ADAM23: variants seen among roughly 807,000 people sequenced by gnomAD.
ADAM23 encodes the protein ADAM metallopeptidase domain 23.
In ADAM23, 33 loss-of-function variants were observed where a neutral mutation model predicts 120.1. The ratio of observed to expected loss-of-function variants is 0.27; its 90% CI spans 0.21 to 0.37. ADAM23 has a LOEUF of 0.37. Ranked by LOEUF, ADAM23 falls within the 10% of genes least tolerant of loss-of-function variation. The probability of loss-of-function intolerance (pLI) is 1.00; values close to 1 mark genes in which losing one functional copy is unlikely to be tolerated. For synonymous variants in ADAM23, 367 were observed against 375.2 expected (o/e 0.98, Z 0.25); for missense variants, 862 against 1,058.2 (o/e 0.81, Z 2.57).
In ADAM23 at chr2:206,561,179, C is replaced by G. The variant is rs1317541420; in HGVS notation, c.1221C>G (p.Val407=). Residue 407 remains valine, a synonymous_variant, in exon 12 of 26, where the codon GTC becomes GTG. Transcript: ENST00000264377. The stretch of plus-strand genomic sequence containing the variant: ...GCAGTCTGAGTTACTTTGGAGGTGT[C>G]TGTTCTCGCACAAGAGGAGTTGGTG... ...KRSSLSYFGG[V]CSRTRGVGVN... 1.2e-6 allele frequency: 2 copies of G among 1,613,970 alleles called. No homozygotes were observed. The highest frequency in any genetic ancestry group is 1.7e-6 in the Non-Finnish European group (2 of 1,179,930).
At chr2:206,508,249 TTGA>T (rs1251466209) in intron 3 of ADAM23, among the ~76,000 whole-genome samples, 1 of 152,170 alleles carries the variant, frequency 6.6e-6, no homozygotes, top group Non-Finnish European at 1.5e-5. Context: ...CAGGATGGTC[TTGA>T]TCTGACCTCG....
intron 2 of ADAM23, among the ~76,000 whole-genome samples, chr2:206,459,332 G>A (rs1695365021): frequency 6.6e-6 from 1 of 152,126 alleles, no homozygotes; most frequent in Admixed American, 6.5e-5. Context: ...TTACCCTTCT[G>A]ATTAACTATA....
At chr2:206,466,925 T>A (rs1695552265) in intron 2 of ADAM23, among the ~76,000 whole-genome samples, 1 of 152,156 alleles carries the variant, frequency 6.6e-6, no homozygotes, top group Non-Finnish European at 1.5e-5. Flanking sequence ...GTGTCTTACA[T>A]GGCAGGAGTA....
chr2:206,567,145 A>G (rs1697902359), intron 14 of ADAM23, 78 bp from the exon 15 acceptor site: 1 of 1,113,774 alleles, frequency 9.0e-7, no homozygotes, highest in African/African-American at 1.6e-5. Context: ...ATTTTGTTCT[A>G]ATTTAGGGGT....
intron 3 of ADAM23, among the ~76,000 whole-genome samples, chr2:206,499,622 TA>T (rs1163000126): frequency 6.6e-6 from 1 of 151,976 alleles, no homozygotes; most frequent in African/African-American, 2.4e-5. Flanking sequence ...ACATGTACCC[TA>T]AAACTTAAAG....
At chr2:206,539,824 C>G (rs974118060) in intron 4 of ADAM23, among the ~76,000 whole-genome samples, 2 of 152,130 alleles carry the variant, frequency 1.3e-5, no homozygotes, top group African/African-American at 4.8e-5. Context: ...CCATAGTACT[C>G]TTTAAAAACT....
intron 2 of ADAM23, among the ~76,000 whole-genome samples, chr2:206,480,783 A>G (rs1167437875): frequency 6.6e-6 from 1 of 152,164 alleles, no homozygotes; most frequent in East Asian, 1.9e-4. Flanking sequence ...TATTCTGCTG[A>G]TACATCATTT....
At chr2:206,444,216 C>T in intron 1 of ADAM23, 136 bp downstream of exon 1, 1 of 631,330 alleles carries the variant, frequency 1.6e-6, no homozygotes, top group Non-Finnish European at 2.3e-6. Context: ...GTCTTTCCAC[C>T]CTTCTCGTTC....
At chr2:206,519,495 G>A (rs935760696) in intron 3 of ADAM23, among the ~76,000 whole-genome samples, 1 of 152,024 alleles carries the variant, frequency 6.6e-6, no homozygotes, top group Non-Finnish European at 1.5e-5. Flanking sequence ...TGCTCAGAAG[G>A]TGGGCTTATT....
intron 4 of ADAM23, among the ~76,000 whole-genome samples, chr2:206,540,716 G>C (rs1697274058): frequency 6.6e-6 from 1 of 151,916 alleles, no homozygotes; most frequent in African/African-American, 2.4e-5. Context: ...ATCCCAGAAA[G>C]GCAGAAATAA....
At chr2:206,481,677 A>T (rs1040003314) in intron 3 of ADAM23, among the ~76,000 whole-genome samples, 1 of 152,224 alleles carries the variant, frequency 6.6e-6, no homozygotes, top group African/African-American at 2.4e-5. Flanking sequence ...ACTCTTTATA[A>T]TGCAATTCGC....
chr2:206,542,215 T>C (rs779308054), intron 5 of ADAM23, 81 bp downstream of exon 5: 7 of 1,390,284 alleles, frequency 5.0e-6, no homozygotes, highest in African/African-American at 1.4e-5. Flanking sequence ...TTAGTGACTC[T>C]TCCGTGCCAG....
chr2:206,561,467 TAGATA>T (rs1697764149), intron 12 of ADAM23, among the ~76,000 whole-genome samples: 1 of 152,240 alleles, frequency 6.6e-6, no homozygotes, highest in African/African-American at 2.4e-5. Context: ...TAGGCCTCTA[TAGATA>T]AGATGTTAAG....
chr2:206,474,863 C>T (rs543067062), intron 2 of ADAM23, among the ~76,000 whole-genome samples: 2 of 152,306 alleles, frequency 1.3e-5, no homozygotes, highest in South Asian at 4.1e-4. Flanking sequence ...GCATGAGCCA[C>T]TGCGCCTGGC....
chr2:206,444,911 T>G, intron 1 of ADAM23, among the ~76,000 whole-genome samples: 1 of 152,222 alleles, frequency 6.6e-6, no homozygotes, highest in Non-Finnish European at 1.5e-5. Flanking sequence ...GAGTTGTGCT[T>G]CTGTGGACTC....
At chr2:206,448,175 C>T (rs983987930) in intron 2 of ADAM23, among the ~76,000 whole-genome samples, 4 of 152,152 alleles carry the variant, frequency 2.6e-5, no homozygotes, top group African/African-American at 9.7e-5. Context: ...GTGGGCACTC[C>T]TAATAATTAT....
At chr2:206,502,484 C>T (rs1169834450) in intron 3 of ADAM23, among the ~76,000 whole-genome samples, 1 of 151,996 alleles carries the variant, frequency 6.6e-6, no homozygotes, top group Non-Finnish European at 1.5e-5. Flanking sequence ...CTTTGAAGAA[C>T]TGTAGAAAAG....
intron 3 of ADAM23, among the ~76,000 whole-genome samples, chr2:206,482,893 C>A (rs1044088584): frequency 6.6e-6 from 1 of 152,140 alleles, no homozygotes; most frequent in African/African-American, 2.4e-5. Flanking sequence ...GATAGTATAT[C>A]TGAAGAGGCA....
intron 3 of ADAM23, among the ~76,000 whole-genome samples, chr2:206,507,882 G>T (rs765547510): frequency 1.3e-5 from 2 of 152,098 alleles, no homozygotes; most frequent in Non-Finnish European, 2.9e-5. Context: ...GTATTCAATG[G>T]TGATTATAGA....
Sources: gnomAD v4.1 joint callset for allele counts (sites outside exome capture counted in the v4.1 genomes callset) on GRCh38, gnomAD v4.1.1 for gene constraint, MANE v1.5 for transcripts, NCBI Gene and HGNC (gene_info 2026-07-23, HGNC 2026-07-21) for gene names.